Variants in ANKRD12 observed in about 807,000 individuals in gnomAD.
The protein encoded by ANKRD12 is ankyrin repeat domain 12, also known as ankyrin repeat domain-containing protein 12.
In ANKRD12, 85 loss-of-function variants were observed where a neutral mutation model predicts 183.4. The ratio of observed to expected loss-of-function variants is 0.46; its 90% CI spans 0.39 to 0.56. ANKRD12 has a LOEUF of 0.56. ANKRD12 is among the 20% of genes least tolerant of loss of function. The pLI is 0.00. For synonymous variants in ANKRD12, 914 were observed against 800.2 expected (o/e 1.14, Z -2.40); for missense variants, 2,405 against 2,357.1 (o/e 1.02, Z -0.42).
chr18:9,186,136 G>GTTTTTTTTTTTTT (rs1280812557), intron 2 of ANKRD12, among the ~76,000 whole-genome samples: 163 of 141,904 alleles, frequency 1.1e-3, no homozygotes, highest in Non-Finnish European at 2.1e-3. Context: ...CTAAAAGTGT[G>GTTTTTTTTTTTTT]ATTTTTTTTT....
In ANKRD12 at chr18:9,256,202, C is replaced by G. The variant is rs2038611182; in HGVS notation, c.2935C>G (p.Gln979Glu). 1 of 1,571,834 alleles carries G rather than the reference C, an allele frequency of 6.4e-7. No individual in the cohort carries two copies. Among genetic ancestry groups the G allele is most frequent in the Non-Finnish European group, 8.6e-7 (1 of 1,166,260 alleles). ...SINITNSKHIQEEKKSSIVDG... is the reference protein window; with the variant it reads ...SINITNSKHIEEEKKSSIVDG... ...AAATATAACTAACTCCAAACACATA[C>G]AGGAAGAAAAAAAATCAAGTATAGT... Residue 979 changes from glutamine (Q) to glutamate (E), a missense_variant, in exon 9 of 13, where the codon CAG (glutamine) becomes GAG (glutamate). Coordinates refer to ENST00000262126, the MANE Select transcript of ANKRD12 (RefSeq NM_015208.5).
In ANKRD12 at chr18:9,283,641, G is replaced by A. The variant is rs576282133; in HGVS notation, c.*2515G>A. 17 of 152,630 alleles carry A rather than the reference G, an allele frequency of 1.1e-4. No homozygotes were observed. The South Asian group carries it at 2.5e-3, about 22-fold the overall frequency. The allele number at this position is 152,630 out of a possible 1,614,324, so 9.5% of individuals were successfully genotyped here. A position where few individuals can be genotyped will look rare whatever the true frequency, so the allele number is the denominator to read the frequency against. On this transcript the variant is annotated 3_prime_UTR_variant, in exon 13 of 13. Transcript: ENST00000262126. Reference sequence around the variant, plus strand: ...TCTTTTTAAACTCTTCAAATATCATGAACAAGATACTAAATTGTACCTAAG... The same window carrying A: ...TCTTTTTAAACTCTTCAAATATCATAAACAAGATACTAAATTGTACCTAAG...
At chr18:9,223,856 G>A (rs931641338) in intron 8 of ANKRD12, among the ~76,000 whole-genome samples, 4 of 152,174 alleles carry the variant, frequency 2.6e-5, no homozygotes, top group Admixed American at 6.5e-5. Flanking sequence ...TAGTACTTAC[G>A]TGACGAGACC....
At chr18:9,266,174 CA>C (rs1408876073) in intron 10 of ANKRD12, among the ~76,000 whole-genome samples, 11 of 152,158 alleles carry the variant, frequency 7.2e-5, no homozygotes, top group Admixed American at 3.3e-4. Flanking sequence ...AGAATGGAAC[CA>C]AGTTGGAAAA....
chr18:9,166,056 T>A (rs1471504725), intron 1 of ANKRD12, among the ~76,000 whole-genome samples: 1 of 152,076 alleles, frequency 6.6e-6, no homozygotes, highest in African/African-American at 2.4e-5. Flanking sequence ...GAACTCATCA[T>A]TTTTTATGGC....
At chr18:9,280,641 T>C (rs928849025) in intron 12 of ANKRD12, among the ~76,000 whole-genome samples, 2 of 151,976 alleles carry the variant, frequency 1.3e-5, no homozygotes, top group African/African-American at 4.8e-5. Context: ...ATACAAAAAT[T>C]AGCTGGGCGT....
intron 8 of ANKRD12, among the ~76,000 whole-genome samples, chr18:9,236,378 C>T (rs1055222774): frequency 3.3e-5 from 5 of 149,568 alleles, no homozygotes; most frequent in Non-Finnish European, 6.0e-5. Context: ...GTTAACCCAC[C>T]TAAGTGAAAC....
At chr18:9,248,328 G>T (rs1392269338) in intron 8 of ANKRD12, among the ~76,000 whole-genome samples, 1 of 152,164 alleles carries the variant, frequency 6.6e-6, no homozygotes, top group Non-Finnish European at 1.5e-5. Flanking sequence ...ACATAAACTT[G>T]CTGTACAATT....
intron 9 of ANKRD12, among the ~76,000 whole-genome samples, chr18:9,263,174 A>AG (rs1268026072): frequency 6.6e-6 from 1 of 151,806 alleles, no homozygotes; most frequent in Non-Finnish European, 1.5e-5. Flanking sequence ...ACCGGAAAAC[A>AG]CCTCTCTTCT....
At chr18:9,140,091 C>G (rs1006057746) in intron 1 of ANKRD12, among the ~76,000 whole-genome samples, 3 of 152,184 alleles carry the variant, frequency 2.0e-5, no homozygotes, top group Non-Finnish European at 4.4e-5. Flanking sequence ...ACCTTGCCTT[C>G]TATCAGCTGC....
intron 10 of ANKRD12, 41 bp from the exon 11 acceptor site, chr18:9,275,483 T>C (rs760671430): frequency 1.3e-6 from 2 of 1,582,052 alleles, no homozygotes; most frequent in South Asian, 2.2e-5. Context: ...AACAAAAATT[T>C]GTTGAAGAAT....
rs1331629227 is a variant in ANKRD12, at chr18:9,269,597, T to TA, written c.5763+5710dup. On this transcript the variant is annotated intron_variant, in intron 10 of 12. Coordinates refer to ENST00000262126, the MANE Select transcript of ANKRD12 (RefSeq NM_015208.5). ...GAAAGCTGAAACTGGATCCCTTCCT[T>TA]ACACCTTATACAAAAATTAATTCAA... Among the ~76,000 whole-genome samples the TA allele has an allele frequency of 2.6e-4, 39 of 152,324 alleles. 1 individual carries two copies. The highest frequency in any genetic ancestry group is 6.8e-3 in the Middle Eastern group (2 of 294).
At chr18:9,224,963 A>C (rs184885045) in intron 8 of ANKRD12, among the ~76,000 whole-genome samples, 3 of 152,210 alleles carry the variant, frequency 2.0e-5, no homozygotes, top group African/African-American at 4.8e-5. Context: ...TGGGCTGGGC[A>C]TGGTGGCATG....
At chr18:9,170,600 T>C (rs188830418) in intron 1 of ANKRD12, among the ~76,000 whole-genome samples, 1 of 152,214 alleles carries the variant, frequency 6.6e-6, no homozygotes, top group Non-Finnish European at 1.5e-5. Context: ...ATTCTAGTTA[T>C]CCATTCGTCA....
At chr18:9,225,666 G>A (rs1000388980) in intron 8 of ANKRD12, among the ~76,000 whole-genome samples, 3 of 151,964 alleles carry the variant, frequency 2.0e-5, no homozygotes, top group Non-Finnish European at 2.9e-5. Context: ...TAAATTCTCT[G>A]TCCACAACCT....
At chr18:9,278,037 C>G (rs546115107) in intron 11 of ANKRD12, among the ~76,000 whole-genome samples, 6 of 152,194 alleles carry the variant, frequency 3.9e-5, no homozygotes, top group Admixed American at 3.3e-4. Context: ...AGACAGGCCT[C>G]TCTCAAACCT....
chr18:9,259,358 C>CAAACACATTTACGTGTTTAACAACAT (rs1195199333), intron 9 of ANKRD12: 1 of 152,660 alleles, frequency 6.6e-6, no homozygotes, highest in East Asian at 1.9e-4. Context: ...TTTAATGTAA[C>CAAACACATTTACGTGTTTAACAACAT]AAACACATTT....
At chr18:9,279,824 A>G (rs1310480408) in intron 12 of ANKRD12, among the ~76,000 whole-genome samples, 180 bp downstream of exon 12, 1 of 152,208 alleles carries the variant, frequency 6.6e-6, no homozygotes, top group East Asian at 1.9e-4. Flanking sequence ...GACTAGTTGT[A>G]GTATGAAAGA....
At chr18:9,233,006 C>A (rs888244706) in intron 8 of ANKRD12, among the ~76,000 whole-genome samples, 1 of 151,846 alleles carries the variant, frequency 6.6e-6, no homozygotes, top group Admixed American at 6.6e-5. Context: ...TGCACCACCA[C>A]GCCTGGATAA....
Sources: gnomAD v4.1 joint callset for allele counts (sites outside exome capture counted in the v4.1 genomes callset) on GRCh38, gnomAD v4.1.1 for gene constraint, MANE v1.5 for transcripts, NCBI Gene and HGNC (gene_info 2026-07-23, HGNC 2026-07-21) for gene names.